MMAA: variants seen among roughly 807,000 people sequenced by gnomAD.
MMAA encodes metabolism of cobalamin associated A, also known as methylmalonic aciduria type A protein, mitochondrial.
MMAA carries 41 observed loss-of-function variants against 45.0 expected under a neutral mutation model. That is an observed-to-expected ratio of 0.91 (90% CI 0.71 to 1.18). The LOEUF (loss-of-function observed/expected upper bound fraction) is 1.18. Ranked by LOEUF, MMAA falls within the 50% of genes most tolerant of loss-of-function variation. MMAA has a pLI of 0.00. For missense variants in MMAA, 460 were observed against 495.7 expected, an observed-to-expected ratio of 0.93 and a Z score of 0.68; for synonymous variants, 154 against 178.2, an observed-to-expected ratio of 0.86 and a Z score of 1.08.
At chr4:145,651,895 A>C (rs1221260974) in intron 5 of MMAA, among the ~76,000 whole-genome samples, 1 of 152,184 alleles carries the variant, frequency 6.6e-6, no homozygotes, top group Non-Finnish European at 1.5e-5. Flanking sequence ...TAGCATGCAT[A>C]GTTGACAATA....
At chr4:145,623,746 T>A (rs1039390885) in intron 1 of MMAA, among the ~76,000 whole-genome samples, 1 of 152,212 alleles carries the variant, frequency 6.6e-6, no homozygotes, top group South Asian at 2.1e-4. Flanking sequence ...AATTAAACGT[T>A]AGGGAAGTTT....
At chr4:145,645,597 G>C (rs1379377262) in intron 3 of MMAA, among the ~76,000 whole-genome samples, 2 of 152,172 alleles carry the variant, frequency 1.3e-5, no homozygotes, top group African/African-American at 2.4e-5. Context: ...AAGCAGGAGA[G>C]ATACTTCTGG....
chr4:145,639,255 C>T lies in MMAA; in HGVS notation c.116C>T (p.Pro39Leu), dbSNP rs150065810. The T allele has an allele frequency of 1.2e-6, 2 of 1,614,136 alleles. No homozygotes were observed. The highest frequency in any genetic ancestry group is 1.7e-5 in the Admixed American group (1 of 60,026). ...HSSTHLGSGI[P>L]CAQPFNSLGL... The stretch of plus-strand genomic sequence containing the variant: ...AGTACTCATCTCGGATCAGGAATCC[C>T]ATGTGCTCAGCCGTTTAATTCTCTT... Residue 39 changes from proline to leucine, a missense_variant, in exon 2 of 7, where the codon CCA becomes CTA. Coordinates refer to ENST00000649156, the MANE Select transcript of MMAA (RefSeq NM_172250.3).
intron 1 of MMAA, chr4:145,625,449 C>A: frequency 1.4e-6 from 1 of 710,690 alleles, no homozygotes. Flanking sequence ...GGGATAGCTG[C>A]AATACTGGAT....
intron 1 of MMAA, among the ~76,000 whole-genome samples, chr4:145,638,390 A>G (rs1727682073): frequency 6.6e-6 from 1 of 152,178 alleles, no homozygotes; most frequent in Non-Finnish European, 1.5e-5. Flanking sequence ...ATCCTTATCT[A>G]ATTTCGTAGT....
chr4:145,620,836 T>G (rs1734075215), intron 1 of MMAA, among the ~76,000 whole-genome samples: 1 of 152,158 alleles, frequency 6.6e-6, no homozygotes, highest in Non-Finnish European at 1.5e-5. Context: ...ATGAGTTAAA[T>G]CTTGGGGTTG....
intron 1 of MMAA, among the ~76,000 whole-genome samples, chr4:145,626,431 G>A (rs1192079011): frequency 6.6e-6 from 1 of 151,944 alleles, no homozygotes; most frequent in African/African-American, 2.4e-5. Flanking sequence ...TATTGTCCGT[G>A]GAGCAAAAAA....
chr4:145,619,578 G>A (rs907862685), intron 1 of MMAA, among the ~76,000 whole-genome samples, 171 bp downstream of exon 1: 25 of 152,176 alleles, frequency 1.6e-4, no homozygotes, highest in Non-Finnish European at 3.5e-4. Flanking sequence ...TGATGTTCGG[G>A]GTGCGGATAT....
chr4:145,655,232 G>A lies in MMAA; in HGVS notation c.1055G>A (p.Ser352Asn), dbSNP rs756437003. ...GATTTCCAGGACCTAATGCTTGCCAGTGGGGAGCTGACTGCCAAACGACGG... is the reference window on the plus strand; with the variant it reads ...GATTTCCAGGACCTAATGCTTGCCAATGGGGAGCTGACTGCCAAACGACGG... ...MKDFQDLMLA[S>N]GELTAKRRKQ... The change falls in exon 7 of 7, where the codon AGT becomes AAT. Residue 352 changes from serine to asparagine, a missense_variant. Transcript: ENST00000649156. The A allele has an allele frequency of 9.3e-6, 15 of 1,614,048 alleles. No homozygotes were observed. The South Asian group carries it at 1.3e-4, about 14-fold the overall frequency.
Position 145,656,215 on chromosome 4 carries a change from T to G in MMAA, c.*781T>G, listed in dbSNP as rs1728225182. 6.6e-6 allele frequency: 1 copy of G among 152,256 alleles called. No homozygotes were observed. The highest frequency in any genetic ancestry group is 2.4e-5 in the African/African-American group (1 of 41,460). The allele number at this position is 152,256 out of a possible 1,614,324, so 9.4% of individuals were successfully genotyped here. On this transcript the variant is annotated 3_prime_UTR_variant, in exon 7 of 7. Transcript: ENST00000649156. ...CTACCAAAGGCTTTTGCTTCTCTTC[T>G]TCCTTGGCCATTTCACTTCATTTTA...
At chr4:145,648,002 G>A (rs796238344) in intron 4 of MMAA, among the ~76,000 whole-genome samples, 121 of 149,350 alleles carry the variant, frequency 8.1e-4, no homozygotes, top group African/African-American at 2.8e-3. Flanking sequence ...GACTACAGGC[G>A]CCTGCCACCA....
At chr4:145,655,102 TC>T (rs1222613877) in intron 6 of MMAA, 44 bp from the exon 7 acceptor site, 1 of 1,610,622 alleles carries the variant, frequency 6.2e-7, no homozygotes, top group Non-Finnish European at 8.5e-7. Flanking sequence ...AAAAATTTTT[TC>T]TATCATTTTA....
At chr4:145,641,275 G>A (rs911178737) in intron 2 of MMAA, among the ~76,000 whole-genome samples, 1 of 152,212 alleles carries the variant, frequency 6.6e-6, no homozygotes, top group African/African-American at 2.4e-5. Flanking sequence ...TCTCAGAAAT[G>A]TGTGGAATTA....
At chr4:145,653,304 A>AT (rs1728147686) in intron 5 of MMAA, among the ~76,000 whole-genome samples, 1 of 152,246 alleles carries the variant, frequency 6.6e-6, no homozygotes, top group African/African-American at 2.4e-5. Flanking sequence ...TTGTTTAAAA[A>AT]TATTTGAAAA....
intron 1 of MMAA, among the ~76,000 whole-genome samples, chr4:145,634,459 G>T (rs948192674): frequency 6.6e-6 from 1 of 152,068 alleles, no homozygotes; most frequent in African/African-American, 2.4e-5. Context: ...CTTCAGGGCA[G>T]TGGGCTCCCC....
intron 1 of MMAA, among the ~76,000 whole-genome samples, chr4:145,619,686 AG>A (rs1483847732): frequency 6.6e-6 from 1 of 152,182 alleles, no homozygotes; most frequent in Non-Finnish European, 1.5e-5. Flanking sequence ...CATCTTGGTT[AG>A]GTTTCTCAGG....
rs1728338930 is a variant in MMAA at position 145,659,933 on chromosome 4, T to A, written c.*4499T>A. 6.6e-6 allele frequency: 1 copy of A among 152,156 alleles called. No homozygotes were observed. The highest frequency in any genetic ancestry group is 1.5e-5 in the Non-Finnish European group (1 of 68,060). The allele number at this position is 152,156 out of a possible 1,614,324, so 9.4% of individuals were successfully genotyped here. On this transcript the variant is annotated 3_prime_UTR_variant, in exon 7 of 7. Transcript: ENST00000649156. ...TATTCCTCCTATCTAGTTGTAACTT[T>A]GTACCCATTGACCCCCCTTCCCTTC...
chr4:145,624,735 T>C (rs1257133082), intron 1 of MMAA: 11 of 1,590,336 alleles, frequency 6.9e-6, no homozygotes, highest in Non-Finnish European at 9.5e-6. Context: ...CAGAAGCCAC[T>C]TATACAGAGC....
chr4:145,638,989 T>C (rs557254491), intron 1 of MMAA, 86 bp from the exon 2 acceptor site: 23 of 699,812 alleles, frequency 3.3e-5, no homozygotes, highest in African/African-American at 1.1e-4. Context: ...GTTTAGAATA[T>C]GGGGGAAACA....
Sources: gnomAD v4.1 joint callset for allele counts (sites outside exome capture counted in the v4.1 genomes callset) on GRCh38, gnomAD v4.1.1 for gene constraint, MANE v1.5 for transcripts, NCBI Gene and HGNC (gene_info 2026-07-23, HGNC 2026-07-21) for gene names.